Variants in SUSD2 observed in about 807,000 individuals in gnomAD.
The protein encoded by SUSD2 is sushi domain-containing protein 2.
Under a neutral mutation model 93.8 loss-of-function variants are expected in SUSD2, and 86 were observed. The ratio of observed to expected loss-of-function variants is 0.92; its 90% CI spans 0.77 to 1.10. SUSD2 has a LOEUF of 1.10. Ranked by LOEUF, SUSD2 falls within the 50% of genes least tolerant of loss-of-function variation. The probability of loss-of-function intolerance (pLI) is 0.00; values close to 1 mark genes in which losing one functional copy is unlikely to be tolerated. For missense variants in SUSD2, 1,060 were observed against 1,137.0 expected, an observed-to-expected ratio of 0.93 and a Z score of 0.97; for synonymous variants, 483 against 485.0, an observed-to-expected ratio of 1.00 and a Z score of 0.05.
chr22:24,185,040 G>A (rs769840469), intron 5 of SUSD2, 54 bp from the exon 6 acceptor site: 1 of 1,611,112 alleles, frequency 6.2e-7, no homozygotes, highest in Non-Finnish European at 8.5e-7. Context: ...GGGAGAGTGG[G>A]GCGACCATGG....
Position 24,188,620 on chromosome 22 carries a change from C to T in SUSD2, c.*184C>T, listed in dbSNP as rs1313106013. 12 of 608,726 alleles carry T rather than the reference C, an allele frequency of 2.0e-5. No individual in the cohort carries two copies. Among genetic ancestry groups the T allele is most frequent in the African/African-American group, 5.5e-5 (3 of 54,146 alleles). The allele number at this position is 608,726 out of a possible 1,614,324, so 37.7% of individuals were successfully genotyped here. A position where few individuals can be genotyped will look rare whatever the true frequency, so the allele number is the denominator to read the frequency against. ...GCCCAGTGTTCCAACACCCAAGCCC[C>T]GTGCTAGCAGCGCTCCGTGCTCTTC... On this transcript the variant is annotated 3_prime_UTR_variant, in exon 15 of 15. Coordinates refer to ENST00000358321, the MANE Select transcript of SUSD2 (RefSeq NM_019601.4). The surrounding 1 kb of genome is among the most constrained non-coding windows in gnomAD (Gnocchi z 4.7).
At chr22:24,182,564 ACT>A (rs1214711851) in intron 1 of SUSD2, 1 of 171,828 alleles carries the variant, frequency 5.8e-6, no homozygotes, top group Non-Finnish European at 1.3e-5. Flanking sequence ...CTCAAATGAG[ACT>A]CTTGGCAGCC....
chr22:24,188,107 G>A lies in SUSD2; in HGVS notation c.2313G>A (p.Trp771Ter). The change falls in exon 13 of 15, where the codon TGG becomes TGA. Residue 771 changes from tryptophan to a stop codon, truncating the protein, a stop_gained. Coordinates refer to ENST00000358321, the MANE Select transcript of SUSD2 (RefSeq NM_019601.4). LOFTEE classifies it high-confidence loss of function. This position sits in a 1 kb window ranked among gnomAD's most constrained non-coding sequence, Gnocchi z 4.7. ...GCACCTGCCAGGCTGACGGCACCTG[G>A]TCCTCACCCACCCCGAAGTGCCAGC... ...ETSTCQADGTWSSPTPKCQPG... is the reference protein window; with the variant it reads ...ETSTCQADGT 1.2e-6 allele frequency: 2 copies of A among 1,612,822 alleles called. No individual in the cohort carries two copies. The highest frequency in any genetic ancestry group is 1.7e-6 in the Non-Finnish European group (2 of 1,179,822).
chr22:24,182,795 A>G (rs1331137996), intron 1 of SUSD2: 2 of 488,434 alleles, frequency 4.1e-6, no homozygotes, highest in Non-Finnish European at 7.4e-6. Flanking sequence ...GGCTGAGCGG[A>G]TGCAGCTTTT....
rs1340599158 is a variant in SUSD2 at position 24,185,892 on chromosome 22, C to T, written c.1302C>T (p.Pro434=). Residue 434 remains proline, a synonymous_variant, in exon 8 of 15, where the codon CCC becomes CCT. Transcript: ENST00000358321. The part of the protein sequence containing the change: ...PDCPRYMQRR[P]SNDCRNYRPP... ...GCCCCCGCTACATGCAACGGCGGCC[C>T]TCCAATGACTGCCGCAACTACCGGC... 2 of 1,580,182 alleles carry T rather than the reference C, an allele frequency of 1.3e-6. No homozygotes were observed. Among genetic ancestry groups the T allele is most frequent in the African/African-American group, 1.3e-5 (1 of 74,238 alleles).
chr22:24,185,352 G>A, intron 6 of SUSD2, 57 bp downstream of exon 6: 3 of 1,570,076 alleles, frequency 1.9e-6, no homozygotes, highest in Middle Eastern at 2.1e-4. Context: ...CCCCACTGAG[G>A]ACAGCACCAG....
chr22:24,186,006 C>T lies in SUSD2; in HGVS notation c.1340-10C>T. 1.2e-6 allele frequency: 2 copies of T among 1,601,094 alleles called. No individual in the cohort carries two copies. The highest frequency in any genetic ancestry group is 1.7e-6 in the Non-Finnish European group (2 of 1,172,334). On this transcript the variant is annotated splice_polypyrimidine_tract_variant and intron_variant, in intron 8 of 14. Coordinates refer to ENST00000358321, the MANE Select transcript of SUSD2 (RefSeq NM_019601.4). The stretch of plus-strand genomic sequence containing the variant: ...GTGCACCCCCACGTGACCCTCCACT[C>T]TCACCCTAGCCTCCGCCTTCGGAGA...
intron 7 of SUSD2, 29 bp from the exon 8 acceptor site, chr22:24,185,632 G>A: frequency 6.2e-7 from 1 of 1,608,530 alleles, no homozygotes; most frequent in Non-Finnish European, 8.5e-7. Context: ...CCCAACAGTG[G>A]CCTGGCCCTG....
Position 24,188,092 on chromosome 22 carries a change from G to A in SUSD2, c.2298G>A (p.Gln766=). 5.0e-6 allele frequency: 8 copies of A among 1,613,012 alleles called. No individual in the cohort carries two copies. The highest frequency in any genetic ancestry group is 5.9e-6 in the Non-Finnish European group (7 of 1,179,952). The change falls in exon 13 of 15, where the codon CAG becomes CAA. Residue 766 remains glutamine (Q), a synonymous_variant. Transcript: ENST00000358321. The surrounding 1 kb of genome is among the most constrained non-coding windows in gnomAD (Gnocchi z 4.7). ...SLAGAETSTC[Q]ADGTWSSPTP... is the part of the protein sequence containing the mutation. ...CCGGGGCAGAGACCAGCACCTGCCA[G>A]GCTGACGGCACCTGGTCCTCACCCA...
chr22:24,184,718 C>G (rs1221466145), intron 4 of SUSD2, 48 bp from the exon 5 acceptor site: 3 of 1,487,928 alleles, frequency 2.0e-6, no homozygotes, highest in Non-Finnish European at 2.7e-6. Context: ...AGGCCTGGGG[C>G]CAGGCCTCGA....
rs749027631 is a variant in SUSD2 at position 24,188,164 on chromosome 22, T to A, written c.2341+29T>A. The A allele has an allele frequency of 1.9e-6, 3 of 1,603,062 alleles. No homozygotes were observed. Among genetic ancestry groups the A allele is most frequent in the Non-Finnish European group, 2.6e-6 (3 of 1,172,798 alleles). On this transcript the variant is annotated intron_variant, in intron 13 of 14. Transcript: ENST00000358321. This position sits in a 1 kb window ranked among gnomAD's most constrained non-coding sequence, Gnocchi z 4.7. ...AGGACACTCTGCTCATACACCTGCC[T>A]GCACCTGTCCCCACTCACCACCCCA...
Position 24,183,502 on chromosome 22 carries a change from G to A in SUSD2, c.295G>A (p.Asp99Asn). The A allele has an allele frequency of 3.1e-6, 5 of 1,612,074 alleles. No homozygotes were observed. The highest frequency in any genetic ancestry group is 4.2e-6 in the Non-Finnish European group (5 of 1,179,802). Residue 99 changes from aspartate (D) to asparagine (N), a missense_variant, in exon 3 of 15, where the codon GAC becomes AAC. Physicochemically the swap from Asp to Asn is conservative, Grantham distance 23. Transcript: ENST00000358321. ...CCACCACCACGCCCACAGGTTTAAG[G>A]ACAGCATCCAGACCCTCGGCCATGT... The part of the protein sequence containing the change: ...TDASVICRFK[D>N]SIQTLGHVDS...
In SUSD2 at chr22:24,188,264, G is replaced by T; in HGVS notation, c.2381G>T (p.Gly794Val). The T allele has an allele frequency of 6.2e-7, 1 of 1,604,664 alleles. No homozygotes were observed. The highest frequency in any genetic ancestry group is 8.5e-7 in the Non-Finnish European group (1 of 1,174,896). ...GTGCTGTTGGGCATCATCTTTGGGG[G>T]CCTCGCGGTGGTGGCGGCGGTTGCG... ...YAVLLGIIFG[G>V]LAVVAAVALV... Residue 794 changes from glycine (G) to valine (V), a missense_variant, in exon 14 of 15, where the codon GGC becomes GTC. Transcript: ENST00000358321. The surrounding 1 kb of genome is among the most constrained non-coding windows in gnomAD (Gnocchi z 4.7).
In SUSD2 at chr22:24,181,531, C is replaced by T. The variant is rs749150806; in HGVS notation, c.12C>T (p.Ala4=). 3 of 1,588,418 alleles carry T rather than the reference C, an allele frequency of 1.9e-6. No homozygotes were observed. The South Asian group carries it at 3.4e-5, about 18-fold the overall frequency. The change falls in exon 1 of 15, where the codon GCC becomes GCT. Residue 4 remains alanine (A), a synonymous_variant. Coordinates refer to ENST00000358321, the MANE Select transcript of SUSD2 (RefSeq NM_019601.4). ...ACACAGGCTGCACCATGAAGCCAGCCCTCCTGCCCTGGGCCCTGCTGCTGC... is the reference window on the plus strand; with the variant it reads ...ACACAGGCTGCACCATGAAGCCAGCTCTCCTGCCCTGGGCCCTGCTGCTGC... The part of the protein sequence containing the change: MKP[A]LLPWALLLLA...
Position 24,184,283 on chromosome 22 carries a change from T to C in SUSD2, c.587T>C (p.Leu196Pro). The C allele has an allele frequency of 1.2e-6, 2 of 1,613,326 alleles. No individual in the cohort carries two copies. The highest frequency in any genetic ancestry group is 1.7e-6 in the Non-Finnish European group (2 of 1,179,950). ...CCCACGCAGACCATCACCATCGAACTGTGGGGCTACGAGGAGACAGGTGAG... is the reference window on the plus strand; with the variant it reads ...CCCACGCAGACCATCACCATCGAACCGTGGGGCTACGAGGAGACAGGTGAG... ...SLPTQTITIE[L>P]WGYEETGMPY... The change falls in exon 4 of 15, where the codon CTG becomes CCG. Residue 196 changes from leucine (L) to proline (P), a missense_variant. By Grantham distance (98) the Leu-to-Pro change is moderately conservative. This residue lies in a region of SUSD2 where 973 missense variants were observed against 1,005.3 expected (regional missense o/e 0.97). Transcript: ENST00000358321.
rs532640478 is a variant in SUSD2 at position 24,185,065 on chromosome 22, G to A, written c.783-29G>A. 575 of 1,612,294 alleles carry A rather than the reference G, an allele frequency of 3.6e-4. 8 individuals are homozygous for A. In the South Asian group the frequency reaches 5.9e-3, roughly 16 times the overall value. ...GGCGACCATGGGGTGGTGTGGGCTG[G>A]CCCAGCTCCAGCATCATCACCTCCA... is the stretch of plus-strand genomic sequence containing the variant. On this transcript the variant is annotated intron_variant, in intron 5 of 14. Transcript: ENST00000358321.
intron 10 of SUSD2, 85 bp downstream of exon 10, chr22:24,186,500 T>C (rs2047367656): frequency 6.7e-7 from 1 of 1,501,182 alleles, no homozygotes; most frequent in East Asian, 2.4e-5. Flanking sequence ...GCCCTGGGCC[T>C]TCATGCCTCT....
chr22:24,186,415 G>C lies in SUSD2; in HGVS notation c.1642G>C (p.Gly548Arg). ...CGAGCAGAGCTGGATGGACCTGAAAGGTGAGCAGTCCAGCCACGCGAGGCT... is the reference window on the plus strand; with the variant it reads ...CGAGCAGAGCTGGATGGACCTGAAACGTGAGCAGTCCAGCCACGCGAGGCT... ...FTEQSWMDLK[G>R]MFLSVAAGDR... Residue 548 changes from glycine to arginine, a missense_variant and splice_region_variant, in exon 10 of 15, where the codon GGA (glycine) becomes CGA (arginine). Physicochemically the swap from Gly to Arg is moderately radical, Grantham distance 125 (BLOSUM62 -2). Around this residue, in one of 2 missense-constraint regions of SUSD2, gnomAD observed 973 missense variants for 1,005.3 expected, o/e 0.97. Coordinates refer to ENST00000358321, the MANE Select transcript of SUSD2 (RefSeq NM_019601.4). The C allele has an allele frequency of 6.2e-7, 1 of 1,613,056 alleles. No individual in the cohort carries two copies. Among genetic ancestry groups the C allele is most frequent in the South Asian group, 1.1e-5 (1 of 91,056 alleles).
rs759010853 is a variant in SUSD2 at position 24,188,150 on chromosome 22, C to G, written c.2341+15C>G. ...GTGCCAGCCAGGTGAGGACACTCTG[C>G]TCATACACCTGCCTGCACCTGTCCC... On this transcript the variant is annotated intron_variant, in intron 13 of 14. Coordinates refer to ENST00000358321, the MANE Select transcript of SUSD2 (RefSeq NM_019601.4). This position sits in a 1 kb window ranked among gnomAD's most constrained non-coding sequence, Gnocchi z 4.7. The G allele has an allele frequency of 6.2e-7, 1 of 1,608,364 alleles. No homozygotes were observed. Among genetic ancestry groups the G allele is most frequent in the Admixed American group, 1.7e-5 (1 of 59,814 alleles).
Sources: allele counts gnomAD v4.1 joint callset, GRCh38; gene constraint gnomAD v4.1.1; regional missense constraint gnomAD v4.1.1; non-coding constraint Gnocchi (gnomAD v3.1); transcripts MANE v1.5; gene names NCBI Gene and HGNC (gene_info 2026-07-23, HGNC 2026-07-21).